Variants in IGSF11 observed in about 807,000 individuals in gnomAD.
The protein encoded by IGSF11 is immunoglobulin superfamily member 11.
IGSF11 carries 22 observed loss-of-function variants against 41.0 expected under a neutral mutation model. That is an observed-to-expected ratio of 0.54 (90% CI 0.38 to 0.77). The LOEUF is 0.77. Among genes scored for constraint, IGSF11 ranks in the 30% least tolerant of loss-of-function variants. IGSF11 has a pLI of 0.00. For synonymous variants in IGSF11, 219 were observed against 201.3 expected (o/e 1.09, Z -0.74); for missense variants, 444 against 530.8 (o/e 0.84, Z 1.61).
chr3:119,026,747 G>C (rs1939868110), intron 1 of IGSF11, among the ~76,000 whole-genome samples: 1 of 152,176 alleles, frequency 6.6e-6, no homozygotes, highest in Non-Finnish European at 1.5e-5. Flanking sequence ...AAGCAAAATG[G>C]TCATCCCAAA....
chr3:119,095,495 G>A (rs2076834567), intron 1 of IGSF11, among the ~76,000 whole-genome samples: 1 of 152,162 alleles, frequency 6.6e-6, no homozygotes, highest in Non-Finnish European at 1.5e-5. Flanking sequence ...TACAGTCAGG[G>A]ATTATGAAGG....
At chr3:118,965,884 C>A (rs1029973206) in intron 1 of IGSF11, among the ~76,000 whole-genome samples, 1 of 151,584 alleles carries the variant, frequency 6.6e-6, no homozygotes, top group Non-Finnish European at 1.5e-5. Context: ...AGAAAGATGA[C>A]GAAAGGACAA....
chr3:118,956,680 G>A (rs1447270070), intron 1 of IGSF11, among the ~76,000 whole-genome samples: 1 of 152,106 alleles, frequency 6.6e-6, no homozygotes, highest in Admixed American at 6.6e-5. Flanking sequence ...ATCAAAGATT[G>A]CTAATTGCTA....
intron 4 of IGSF11, among the ~76,000 whole-genome samples, chr3:118,915,190 G>A (rs1240628214): frequency 5.1e-5 from 7 of 137,898 alleles, no homozygotes; most frequent in Admixed American, 4.6e-4. Context: ...ACTCTAAAAT[G>A]CAGAGCGCCT....
intron 1 of IGSF11, among the ~76,000 whole-genome samples, chr3:118,933,047 G>A (rs183735078): frequency 6.6e-6 from 1 of 152,372 alleles, no homozygotes; most frequent in East Asian, 1.9e-4. Flanking sequence ...AGGACGGTTG[G>A]CACAGAGCAA....
chr3:118,952,359 GT>G (rs1284644460), intron 1 of IGSF11, among the ~76,000 whole-genome samples: 1 of 152,150 alleles, frequency 6.6e-6, no homozygotes, highest in Non-Finnish European at 1.5e-5. Context: ...AGGCAATGCT[GT>G]TTGATAGCAT....
chr3:118,971,194 G>GT (rs1287659234), intron 1 of IGSF11, among the ~76,000 whole-genome samples: 2 of 152,168 alleles, frequency 1.3e-5, no homozygotes, highest in African/African-American at 4.8e-5. Flanking sequence ...ATGGCACGCT[G>GT]TATTTACAGG....
chr3:119,011,953 G>A (rs939592520), intron 1 of IGSF11, among the ~76,000 whole-genome samples: 1 of 151,924 alleles, frequency 6.6e-6, no homozygotes. Flanking sequence ...TTCTGTGTGT[G>A]TGTGTGTGTG....
intron 1 of IGSF11, among the ~76,000 whole-genome samples, chr3:119,090,243 A>G (rs1455809922): frequency 2.6e-5 from 4 of 152,236 alleles, no homozygotes; most frequent in Non-Finnish European, 4.4e-5. Context: ...GATGATACAA[A>G]TAAATGGAAA....
At chr3:119,059,141 AAAAG>A (rs1417882770) in intron 1 of IGSF11, among the ~76,000 whole-genome samples, 7 of 139,466 alleles carry the variant, frequency 5.0e-5, no homozygotes, top group African/African-American at 1.6e-4. Context: ...AAAATTTAAA[AAAAG>A]AAAGAAAATG....
rs147343434 is a variant in IGSF11, at chr3:119,008,295, C to T, written c.52+26236G>A. Among the ~76,000 whole-genome samples, 420 of 152,298 alleles carry T rather than the reference C, an allele frequency of 2.8e-3. 3 individuals carry two copies. The highest frequency in any genetic ancestry group is 9.7e-3 in the African/African-American group (402 of 41,546). ...CCAAGAGATCATCCAAAACCCATTC[C>T]AATTGTCTTTGGAATATGGCCTTCC... On this transcript the variant is annotated intron_variant, in intron 1 of 6. Coordinates refer to ENST00000393775, the MANE Select transcript of IGSF11 (RefSeq NM_001015887.3).
At chr3:118,930,368 T>A in intron 1 of IGSF11, 93 bp from the exon 2 acceptor site, 5 of 1,185,200 alleles carry the variant, frequency 4.2e-6, no homozygotes, top group Non-Finnish European at 4.7e-6. Context: ...GTTATCACAT[T>A]ATTATTGATT....
intron 1 of IGSF11, among the ~76,000 whole-genome samples, chr3:119,029,173 TACACACACACAC>T (rs66598029): frequency 6.3e-5 from 7 of 111,562 alleles, no homozygotes; most frequent in South Asian, 3.8e-4. Flanking sequence ...TTGGGGATAA[TACACACACACAC>T]ACACACACAC....
intron 1 of IGSF11, among the ~76,000 whole-genome samples, chr3:119,126,854 C>T (rs1446944707): frequency 1.3e-5 from 2 of 152,132 alleles, no homozygotes; most frequent in Non-Finnish European, 2.9e-5. Flanking sequence ...AACAAAAAGG[C>T]ATCTACAAAA....
At chr3:119,131,506 G>A (rs2077481112) in intron 1 of IGSF11, among the ~76,000 whole-genome samples, 1 of 152,156 alleles carries the variant, frequency 6.6e-6, no homozygotes, top group African/African-American at 2.4e-5. Flanking sequence ...AGAGAAAACA[G>A]AGTAAAAAGA....
At chr3:119,034,878 T>TC (rs552472203), upstream of IGSF11, 7 of 1,156,154 alleles carry the variant, frequency 6.1e-6, no homozygotes, top group African/African-American at 1.6e-5. Context: ...GGGGAGCCAC[T>TC]CCCCCCAACT....
intron 1 of IGSF11, among the ~76,000 whole-genome samples, chr3:119,048,809 G>A (rs1294690266): frequency 2.0e-5 from 3 of 151,886 alleles, no homozygotes; most frequent in Admixed American, 6.6e-5. Flanking sequence ...ATGATCAAGT[G>A]GGCTTCATCC....
intron 4 of IGSF11, among the ~76,000 whole-genome samples, chr3:118,925,432 G>A (rs1942203137): frequency 6.6e-6 from 1 of 152,146 alleles, no homozygotes; most frequent in African/African-American, 2.4e-5. Flanking sequence ...ATTCGAAGCT[G>A]CTAAATTTCA....
intron 1 of IGSF11, among the ~76,000 whole-genome samples, chr3:118,932,933 G>T (rs964133827): frequency 6.6e-6 from 1 of 152,116 alleles, no homozygotes; most frequent in Non-Finnish European, 1.5e-5. Context: ...TTTTTAAAAT[G>T]ACCAATATGA....
Sources: gnomAD v4.1 joint callset for allele counts (sites outside exome capture counted in the v4.1 genomes callset) on GRCh38, gnomAD v4.1.1 for gene constraint, MANE v1.5 for transcripts, NCBI Gene and HGNC (gene_info 2026-07-23, HGNC 2026-07-21) for gene names.